Variants in C1QTNF9B observed in about 807,000 individuals in gnomAD.
C1QTNF9B encodes C1q and TNF related 9B.
C1QTNF9B carries 9 observed loss-of-function variants against 10.1 expected under a neutral mutation model. That is an observed-to-expected ratio of 0.89 (90% CI 0.53 to 1.55). The LOEUF (loss-of-function observed/expected upper bound fraction) is 1.55. C1QTNF9B is among the 40% of genes most tolerant of loss of function. C1QTNF9B has a pLI of 0.00. For missense variants in C1QTNF9B, 196 were observed against 414.4 expected (o/e 0.47, Z 4.58); for synonymous variants, 79 against 159.9 (o/e 0.49, Z 3.82).
At chr13:23,894,640 C>T (rs1217270093) in intron 1 of C1QTNF9B, 6 of 462,392 alleles carry the variant, frequency 1.3e-5, no homozygotes, top group Non-Finnish European at 2.2e-5. Context: ...ATTTACTAGG[C>T]TCCTATGAAA....
intron 2 of C1QTNF9B, among the ~76,000 whole-genome samples, 179 bp downstream of exon 4, chr13:23,893,960 T>G (rs1444610550): frequency 6.6e-6 from 1 of 152,180 alleles, no homozygotes; most frequent in Non-Finnish European, 1.5e-5. Context: ...GAGTTGAGAA[T>G]ATTTACTACC....
In C1QTNF9B at chr13:23,896,279, T is replaced by C. The variant is rs998632; in HGVS notation, c.166+542A>G. 0.025 allele frequency among the ~76,000 whole-genome samples: 3,846 copies of C among 152,282 alleles called. 374 individuals are homozygous for C. In the East Asian group the frequency reaches 0.34, roughly 14 times the overall value. The stretch of plus-strand genomic sequence containing the variant: ...TTTGGCAAATCTCCCTCCCAGAGGA[T>C]GGATTCTGTCCCCAGATCCCCAGAC... On this transcript the variant is annotated intron_variant, in intron 1 of 2. Coordinates refer to ENST00000382137, the Ensembl canonical transcript of C1QTNF9B.
chr13:23,894,864 G>A (rs1198942947), intron 1 of C1QTNF9B, among the ~76,000 whole-genome samples: 2 of 152,136 alleles, frequency 1.3e-5, no homozygotes, highest in Admixed American at 6.5e-5. Flanking sequence ...GCGGGTTGAA[G>A]GTGGCTCTGG....
chr13:23,894,666 G>A (rs1223034624), intron 1 of C1QTNF9B: 4 of 457,746 alleles, frequency 8.7e-6, no homozygotes, highest in South Asian at 1.5e-5. Context: ...GATGACTATG[G>A]TTACGTGACA....
intron 2 of C1QTNF9B, among the ~76,000 whole-genome samples, chr13:23,892,983 A>G (rs952091562): frequency 1.3e-5 from 2 of 151,872 alleles, no homozygotes; most frequent in Non-Finnish European, 2.9e-5. Flanking sequence ...CCCAGCCCCA[A>G]CCCACCTATC....
chr13:23,895,030 A>G (rs1220381445), intron 1 of C1QTNF9B, among the ~76,000 whole-genome samples: 1 of 152,204 alleles, frequency 6.6e-6, no homozygotes, highest in Non-Finnish European at 1.5e-5. Context: ...GGACTGACAC[A>G]GGCAGACTTA....
chr13:23,891,198 T>C, exon 3 of C1QTNF9B: 6 of 1,177,282 alleles, frequency 5.1e-6, no homozygotes, highest in Middle Eastern at 4.1e-4. Flanking sequence ...ATTGTAATAA[T>C]TGGAGGAATT....
chr13:23,897,162 C>G, upstream of C1QTNF9B: 1 of 754,070 alleles, frequency 1.3e-6, no homozygotes, highest in Non-Finnish European at 2.1e-6. Flanking sequence ...GGGGAGCAAG[C>G]TGGTTATTAC....
chr13:23,897,056 C>G (rs1872229409), upstream of C1QTNF9B: 11 of 1,600,458 alleles, frequency 6.9e-6, no homozygotes, highest in Non-Finnish European at 9.4e-6. Context: ...TTGCTGGGGC[C>G]CTGGACACAG....
At chr13:23,895,752 G>GACAC (rs951227955) in intron 1 of C1QTNF9B, among the ~76,000 whole-genome samples, 2 of 124,284 alleles carry the variant, frequency 1.6e-5, no homozygotes, top group East Asian at 2.6e-4. Flanking sequence ...CACAGACACA[G>GACAC]ACATACACAC....
At chr13:23,895,365 A>G (rs1051842377) in intron 1 of C1QTNF9B, among the ~76,000 whole-genome samples, 1 of 152,200 alleles carries the variant, frequency 6.6e-6, no homozygotes, top group Non-Finnish European at 1.5e-5. Flanking sequence ...TATATGAAAA[A>G]TATGTTTGGT....
chr13:23,892,996 A>C (rs1346294911), intron 2 of C1QTNF9B, among the ~76,000 whole-genome samples: 1 of 151,878 alleles, frequency 6.6e-6, no homozygotes, highest in African/African-American at 2.4e-5. Context: ...CACCTATCCC[A>C]CCGGCAATTC....
Position 23,893,147 on chromosome 13 carries a change from C to T in C1QTNF9B, c.229+992G>A, listed in dbSNP as rs545282176. ...ACAGGACGTCAGACGAGCTAGTGAG[C>T]CTCGTGCCTCTGTTCCCTCACCTAC... is the stretch of plus-strand genomic sequence containing the variant. On this transcript the variant is annotated intron_variant, in intron 2 of 2. Transcript: ENST00000382137. Among the ~76,000 whole-genome samples the T allele has an allele frequency of 2.0e-5, 3 of 152,318 alleles. No homozygotes were observed. In the East Asian group the frequency reaches 5.8e-4, roughly 29 times the overall value.
intron 2 of C1QTNF9B, 47 bp downstream of exon 4, chr13:23,894,092 A>G (rs1334209712): frequency 7.3e-7 from 1 of 1,364,144 alleles, no homozygotes; most frequent in Admixed American, 1.8e-5. Context: ...ATATTGTTAA[A>G]TAGTCGACAG....
chr13:23,897,014 A>G, upstream of C1QTNF9B: 1 of 1,613,518 alleles, frequency 6.2e-7, no homozygotes, highest in Non-Finnish European at 8.5e-7. Context: ...GAACTGAAAG[A>G]GGGAAACAGA....
exon 3 of C1QTNF9B, chr13:23,891,563 C>T (rs1211814682): frequency 1.2e-6 from 2 of 1,603,982 alleles, no homozygotes; most frequent in Admixed American, 1.7e-5. Flanking sequence ...AGCAATGTGG[C>T]ACGTGAATTT....
At chr13:23,892,852 A>G (rs1425628158) in intron 2 of C1QTNF9B, among the ~76,000 whole-genome samples, 1 of 152,196 alleles carries the variant, frequency 6.6e-6, no homozygotes, top group Non-Finnish European at 1.5e-5. Context: ...AGCACTCTGC[A>G]GAGCAGAGAC....
chr13:23,895,519 T>C (rs1325543182), intron 1 of C1QTNF9B, among the ~76,000 whole-genome samples: 1 of 152,110 alleles, frequency 6.6e-6, no homozygotes, highest in Non-Finnish European at 1.5e-5. Flanking sequence ...AAAATAGATA[T>C]AACATTTGCT....
At chr13:23,892,499 A>C (rs931322332) in intron 2 of C1QTNF9B, among the ~76,000 whole-genome samples, 2 of 152,154 alleles carry the variant, frequency 1.3e-5, no homozygotes, top group African/African-American at 4.8e-5. Flanking sequence ...TGCAAAAAGT[A>C]CAAAAATTAA....
Sources: allele counts gnomAD v4.1 joint callset (sites outside exome capture counted in the v4.1 genomes callset), GRCh38; gene constraint gnomAD v4.1.1; transcripts MANE v1.5; gene names NCBI Gene and HGNC (gene_info 2026-07-23, HGNC 2026-07-21).